The following CDK14 variants were observed in gnomAD, a reference collection of about 807,000 sequenced individuals.
The protein encoded by CDK14 is cyclin-dependent kinase 14.
CDK14 carries 34 observed loss-of-function variants against 60.7 expected under a neutral mutation model. The ratio of observed to expected loss-of-function variants is 0.56; its 90% CI spans 0.43 to 0.75. CDK14 has a LOEUF of 0.75. CDK14 is among the 30% of genes least tolerant of loss of function. CDK14 has a pLI of 0.00. For missense variants in CDK14, 482 were observed against 564.1 expected (o/e 0.85, Z 1.47); for synonymous variants, 197 against 203.7 (o/e 0.97, Z 0.28).
chr7:90,606,571 G>T (rs1252226177), intron 2 of CDK14, among the ~76,000 whole-genome samples: 1 of 152,152 alleles, frequency 6.6e-6, no homozygotes, highest in African/African-American at 2.4e-5. Context: ...AAGAATTACA[G>T]CTATGAGGAG....
intron 5 of CDK14, among the ~76,000 whole-genome samples, chr7:90,849,791 TGC>T (rs1427094292): frequency 6.6e-6 from 1 of 152,088 alleles, no homozygotes; most frequent in Non-Finnish European, 1.5e-5. Flanking sequence ...AAACCAAGTC[TGC>T]GGGTTGGATC....
intron 14 of CDK14, among the ~76,000 whole-genome samples, chr7:91,162,989 C>T (rs1235459715): frequency 6.6e-6 from 1 of 152,142 alleles, no homozygotes; most frequent in Non-Finnish European, 1.5e-5. Flanking sequence ...AGGCAGCACA[C>T]TTATATAGTT....
At chr7:90,774,078 A>G (rs1048229856) in intron 4 of CDK14, among the ~76,000 whole-genome samples, 3 of 151,552 alleles carry the variant, frequency 2.0e-5, no homozygotes, top group Non-Finnish European at 4.4e-5. Flanking sequence ...TAATTTTTGT[A>G]TTTTTAGTAG....
At chr7:90,692,321 A>G (rs969285024) in intron 2 of CDK14, among the ~76,000 whole-genome samples, 1 of 151,990 alleles carries the variant, frequency 6.6e-6, no homozygotes, top group African/African-American at 2.4e-5. Flanking sequence ...CCAAGGACTT[A>G]TTTTTCAAGT....
At chr7:91,182,553 AT>A (rs1802037449) in intron 14 of CDK14, among the ~76,000 whole-genome samples, 1 of 151,998 alleles carries the variant, frequency 6.6e-6, no homozygotes, top group African/African-American at 2.4e-5. Context: ...AAAACATAAA[AT>A]TTAAAAAAAT....
intron 9 of CDK14, among the ~76,000 whole-genome samples, chr7:90,967,185 A>AGGAC (rs1400018860): frequency 1.4e-5 from 2 of 147,862 alleles, no homozygotes; most frequent in African/African-American, 5.0e-5. Flanking sequence ...GAGGGAAGGA[A>AGGAC]GGAAGGAAGG....
intron 5 of CDK14, among the ~76,000 whole-genome samples, chr7:90,814,016 C>G (rs1239403297): frequency 6.6e-6 from 1 of 152,122 alleles, no homozygotes; most frequent in African/African-American, 2.4e-5. Context: ...GATTTAATAT[C>G]TTTATCTATT....
At chr7:90,827,576 A>C (rs1346519734) in intron 5 of CDK14, among the ~76,000 whole-genome samples, 2 of 152,214 alleles carry the variant, frequency 1.3e-5, no homozygotes, top group African/African-American at 4.8e-5. Context: ...TAGAACACGG[A>C]GGGTTTAAAA....
chr7:90,834,975 T>C (rs1318911413), intron 5 of CDK14, among the ~76,000 whole-genome samples: 2 of 152,108 alleles, frequency 1.3e-5, no homozygotes, highest in African/African-American at 4.8e-5. Context: ...TAGATGAGAT[T>C]ATCCATTCAG....
chr7:90,937,331 G>T lies in CDK14; in HGVS notation c.827-18366G>T, dbSNP rs551457270. Among the ~76,000 whole-genome samples, 19 of 152,116 alleles carry T rather than the reference G, an allele frequency of 1.2e-4. No homozygotes were observed. The South Asian group carries it at 3.9e-3, about 32-fold the overall frequency. ...TAAAAATGAGGTGAACTTATTTTCAGATGTTTTCTTTTTATTGCATTATAT... is the reference window on the plus strand; with the variant it reads ...TAAAAATGAGGTGAACTTATTTTCATATGTTTTCTTTTTATTGCATTATAT... On this transcript the variant is annotated intron_variant, in intron 8 of 14. Transcript: ENST00000380050.
chr7:90,674,422 T>A (rs1801158313), intron 2 of CDK14, among the ~76,000 whole-genome samples: 1 of 152,054 alleles, frequency 6.6e-6, no homozygotes, highest in Non-Finnish European at 1.5e-5. Context: ...CTAAAGACAA[T>A]CAGTTAGGGA....
chr7:90,901,796 T>C lies in CDK14; in HGVS notation c.702+2443T>C, dbSNP rs535673084. On this transcript the variant is annotated intron_variant, in intron 7 of 14. Coordinates refer to ENST00000380050, the MANE Select transcript of CDK14 (RefSeq NM_001287135.2). The stretch of plus-strand genomic sequence containing the variant: ...AGCCAAGAGAAAAAAATGGAAAAAA[T>C]CCAAATTGGAAAAGAAGTCCTCTGA... Among the ~76,000 whole-genome samples, 26 of 151,294 alleles carry C rather than the reference T, an allele frequency of 1.7e-4. No individual in the cohort carries two copies. The South Asian group carries it at 5.4e-3, about 32-fold the overall frequency.
At chr7:91,025,932 G>A (rs1343011643) in intron 10 of CDK14, among the ~76,000 whole-genome samples, 3 of 152,034 alleles carry the variant, frequency 2.0e-5, no homozygotes, top group African/African-American at 7.3e-5. Context: ...TCAACCTGTT[G>A]TGCTGTAAGC....
At position 90,917,701 on chromosome 7, in the gene CDK14, G is replaced by A; in HGVS notation, c.803G>A (p.Gly268Glu). 6.2e-7 allele frequency: 1 copy of A among 1,613,262 alleles called. No individual in the cohort carries two copies. Among genetic ancestry groups the A allele is most frequent in the Non-Finnish European group, 8.5e-7 (1 of 1,179,412 alleles). ...CAGAACCTTCTGATCAGTGACACGG[G>A]GGAGTTAAAGCTGGCAGATTTCGGT... ...KPQNLLISDT[G>E]ELKLADFGLA... The change falls in exon 8 of 15, where the codon GGG (glycine) becomes GAG (glutamate). Residue 268 changes from glycine to glutamate, a missense_variant. By Grantham distance (98) the Gly-to-Glu change is moderately conservative (BLOSUM62 -2). Coordinates refer to ENST00000380050, the MANE Select transcript of CDK14 (RefSeq NM_001287135.2).
chr7:90,711,578 C>T (rs116971696), intron 2 of CDK14, among the ~76,000 whole-genome samples: 2,524 of 151,896 alleles, frequency 0.017, 22 homozygotes, highest in Middle Eastern at 0.027. Context: ...TACAATCATA[C>T]GATATTTCTC....
intron 14 of CDK14, among the ~76,000 whole-genome samples, chr7:91,123,120 TATG>T (rs2075902668): frequency 6.6e-6 from 1 of 152,226 alleles, no homozygotes; most frequent in Non-Finnish European, 1.5e-5. Context: ...ATCTTCATTG[TATG>T]ATATTTTTAA....
chr7:90,922,359 C>T (rs1301526986), intron 8 of CDK14, among the ~76,000 whole-genome samples: 8 of 152,018 alleles, frequency 5.3e-5, no homozygotes, highest in African/African-American at 1.9e-4. Flanking sequence ...CAGTTGCTTT[C>T]ATGTAGATCT....
chr7:90,896,709 A>G lies in CDK14; in HGVS notation c.640-2582A>G, dbSNP rs150403724. ...GTTTGCTGAGACACAGGCAATAACAACTATATTGCATTCATTGCCTGGGTA... is the reference window on the plus strand; with the variant it reads ...GTTTGCTGAGACACAGGCAATAACAGCTATATTGCATTCATTGCCTGGGTA... On this transcript the variant is annotated intron_variant, in intron 6 of 14. Coordinates refer to ENST00000380050, the MANE Select transcript of CDK14 (RefSeq NM_001287135.2). Among the ~76,000 whole-genome samples, 14 of 152,342 alleles carry G rather than the reference A, an allele frequency of 9.2e-5. No individual in the cohort carries two copies. In the East Asian group the frequency reaches 2.5e-3, roughly 27 times the overall value.
chr7:90,730,912 T>G (rs1024781174), intron 3 of CDK14, among the ~76,000 whole-genome samples: 1 of 133,338 alleles, frequency 7.5e-6, no homozygotes, highest in Non-Finnish European at 1.7e-5. Flanking sequence ...GGTGTTTTAG[T>G]CATGAAGTCT....
Sources: gnomAD v4.1 joint callset for allele counts (sites outside exome capture counted in the v4.1 genomes callset) on GRCh38, gnomAD v4.1.1 for gene constraint, MANE v1.5 for transcripts, NCBI Gene and HGNC (gene_info 2026-07-23, HGNC 2026-07-21) for gene names.